The following ERBB4 variants were observed in gnomAD, a reference collection of about 807,000 sequenced individuals.
ERBB4 encodes receptor tyrosine-protein kinase erbB-4.
Under a neutral mutation model 158.0 loss-of-function variants are expected in ERBB4, and 42 were observed. The ratio of observed to expected loss-of-function variants is 0.27; its 90% confidence interval spans 0.21 to 0.34. The LOEUF (loss-of-function observed/expected upper bound fraction) is 0.34. Among genes scored for constraint, ERBB4 ranks in the 10% least tolerant of loss-of-function variants. The pLI, the probability that ERBB4 is intolerant of heterozygous loss-of-function variation, is 1.00. For synonymous variants in ERBB4, 583 were observed against 558.7 expected, an observed-to-expected ratio of 1.04 and a Z score of -0.61; for missense variants, 1,333 against 1,624.1, an observed-to-expected ratio of 0.82 and a Z score of 3.08.
chr2:212,432,671 T>C (rs2092054438), intron 1 of ERBB4, among the ~76,000 whole-genome samples: 1 of 152,154 alleles, frequency 6.6e-6, no homozygotes, highest in Admixed American at 6.6e-5. Context: ...TCAAATTAGA[T>C]TTTTAAATCA....
Position 212,124,753 on chromosome 2 carries a change from C to G in ERBB4, c.233G>C (p.Arg78Pro). 1 of 1,614,102 alleles carries G rather than the reference C, an allele frequency of 6.2e-7. No homozygotes were observed. The highest frequency in any genetic ancestry group is 8.5e-7 in the Non-Finnish European group (1 of 1,179,980). ...IEHNRDLSFL[R>P]SVREVTGYVL... The stretch of plus-strand genomic sequence containing the variant: ...AGAGAAAGAAAGCCACAGCTTTACC[C>G]GCAGGAAGGAGAGGTCCCGGTTGTG... Residue 78 changes from arginine (R) to proline (P), a missense_variant and splice_region_variant, in exon 2 of 28, where the codon CGG becomes CCG. Arg to Pro is a moderately radical substitution (Grantham distance 103). Around this residue, in one of 5 missense-constraint regions of ERBB4, gnomAD observed 438 missense variants for 586.9 expected, o/e 0.75. Transcript: ENST00000342788.
At chr2:212,442,044 C>T (rs1265918479) in intron 1 of ERBB4, among the ~76,000 whole-genome samples, 3 of 152,062 alleles carry the variant, frequency 2.0e-5, no homozygotes, top group Admixed American at 6.6e-5. Flanking sequence ...GAGATAATTG[C>T]ACTCAACCAT....
chr2:211,454,610 C>T (rs1249656336), intron 20 of ERBB4, among the ~76,000 whole-genome samples: 2 of 152,016 alleles, frequency 1.3e-5, no homozygotes. Context: ...TGAAGGAAAC[C>T]AGAATTTTAA....
intron 3 of ERBB4, among the ~76,000 whole-genome samples, chr2:211,877,481 T>G (rs149841615): frequency 1.0e-3 from 157 of 152,328 alleles, no homozygotes; most frequent in Non-Finnish European, 1.7e-3. Context: ...TATCAACTCT[T>G]TCTCACTATA....
In ERBB4 at chr2:211,379,579, A is replaced by T. The variant is rs2062540384; in HGVS notation, c.*4036T>A. ...TATATCCTGCATTTAACTTTGTTACATTATACTTGTGGTTAGTTTTCTAGT... is the reference window on the plus strand; with the variant it reads ...TATATCCTGCATTTAACTTTGTTACTTTATACTTGTGGTTAGTTTTCTAGT... On this transcript the variant is annotated 3_prime_UTR_variant, in exon 28 of 28. Coordinates refer to ENST00000342788, the MANE Select transcript of ERBB4 (RefSeq NM_005235.3). 2 of 231,114 alleles carry T rather than the reference A, an allele frequency of 8.7e-6. No individual in the cohort carries two copies. The highest frequency in any genetic ancestry group is 1.2e-4 in the East Asian group (2 of 16,258). The allele number at this position is 231,114 out of a possible 1,614,324, so 14.3% of individuals were successfully genotyped here. A position where few individuals can be genotyped will look rare whatever the true frequency, so the allele number is the denominator to read the frequency against.
rs889518176 is a variant in ERBB4, at chr2:211,534,037, G to C, written c.2487+27866C>G. ...CGTAACTAATTATATATCATTGCTA[G>C]AAATGCAGCTGTGGGATTATTTGGT... On this transcript the variant is annotated intron_variant, in intron 20 of 27. Coordinates refer to ENST00000342788, the MANE Select transcript of ERBB4 (RefSeq NM_005235.3). Among the ~76,000 whole-genome samples the C allele has an allele frequency of 2.0e-5, 3 of 152,060 alleles. No individual in the cohort carries two copies. In the East Asian group the frequency reaches 5.8e-4, roughly 29 times the overall value.
Position 211,455,725 on chromosome 2 carries a change from T to C in ERBB4, c.2488-24625A>G, listed in dbSNP as rs536763422. Among the ~76,000 whole-genome samples the C allele has an allele frequency of 1.3e-3, 200 of 152,340 alleles. 2 individuals carry two copies. The highest frequency in any genetic ancestry group is 4.6e-3 in the African/African-American group (190 of 41,594). On this transcript the variant is annotated intron_variant, in intron 20 of 27. Transcript: ENST00000342788. ...AGGAAAAAATTACAAACATAAAATATGTCCACAAGTGAAGTACTCTGCACT... is the reference window on the plus strand; with the variant it reads ...AGGAAAAAATTACAAACATAAAATACGTCCACAAGTGAAGTACTCTGCACT...
At chr2:211,881,991 G>C (rs1305770330) in intron 3 of ERBB4, among the ~76,000 whole-genome samples, 1 of 152,120 alleles carries the variant, frequency 6.6e-6, no homozygotes, top group Non-Finnish European at 1.5e-5. Flanking sequence ...CTATTAGAGT[G>C]TTTCTGAGAA....
chr2:211,532,140 G>C, intron 20 of ERBB4, among the ~76,000 whole-genome samples: 1 of 131,610 alleles, frequency 7.6e-6, no homozygotes, highest in East Asian at 3.2e-4. Context: ...ACCAGAGTCT[G>C]GGAAGGGTTG....
In ERBB4 at chr2:211,383,940, T is replaced by A. The variant is rs745554901; in HGVS notation, c.3602A>T (p.Glu1201Val). Residue 1201 changes from glutamate (E) to valine (V), a missense_variant, in exon 28 of 28, where the codon GAG (glutamate) becomes GTG (valine). By Grantham distance (121) the Glu-to-Val change is moderately radical (BLOSUM62 -2). Around this residue, in one of 5 missense-constraint regions of ERBB4, gnomAD observed 252 missense variants for 241.3 expected, o/e 1.04. Coordinates refer to ENST00000342788, the MANE Select transcript of ERBB4 (RefSeq NM_005235.3). ...GAGGTACAGTGGCTCATTCACATAC[T>A]CATCCTCGGCCTTGGGTGGACCATT... is the stretch of plus-strand genomic sequence containing the variant. ...ASNGPPKAED[E>V]YVNEPLYLNT... 1 of 1,614,134 alleles carries A rather than the reference T, an allele frequency of 6.2e-7. No homozygotes were observed. The highest frequency in any genetic ancestry group is 2.2e-5 in the East Asian group (1 of 44,870).
At chr2:212,404,732 G>T (rs2091298840) in intron 1 of ERBB4, among the ~76,000 whole-genome samples, 1 of 151,862 alleles carries the variant, frequency 6.6e-6, no homozygotes. Flanking sequence ...TTGCAGTACA[G>T]ATTATTTCAG....
intron 2 of ERBB4, among the ~76,000 whole-genome samples, chr2:212,001,186 C>G (rs553121904): frequency 2.0e-5 from 3 of 152,090 alleles, no homozygotes; most frequent in African/African-American, 7.2e-5. Flanking sequence ...AGCATGTTTC[C>G]TTCAGCAACA....
rs143515103 is a variant in ERBB4, at chr2:211,861,124, TTATATATA to T, written c.422-72973_422-72966del. Among the ~76,000 whole-genome samples the T allele has an allele frequency of 2.6e-3, 52 of 20,260 alleles. 4 individuals are homozygous for T. Among genetic ancestry groups the T allele is most frequent in the Admixed American group, 6.6e-3 (8 of 1,208 alleles). 13.3% of individuals were successfully genotyped at this position (20,260 alleles called of 152,430 possible). ...CATTATATATATTTATATATATATTTTATATATATATATATATATATATATATATATTA... is the reference window on the plus strand; with the variant it reads ...CATTATATATATTTATATATATATTTTATATATATATATATATATATATTA... On this transcript the variant is annotated intron_variant, in intron 3 of 27. Transcript: ENST00000342788.
chr2:211,736,301 C>T (rs2074599533), intron 5 of ERBB4, among the ~76,000 whole-genome samples: 1 of 152,114 alleles, frequency 6.6e-6, no homozygotes, highest in African/African-American at 2.4e-5. Flanking sequence ...GCTCAGTACA[C>T]ATATCCTTGA....
intron 1 of ERBB4, among the ~76,000 whole-genome samples, chr2:212,201,261 A>G: frequency 6.6e-6 from 1 of 152,180 alleles, no homozygotes; most frequent in East Asian, 1.9e-4. Flanking sequence ...ATTACCTTTA[A>G]AAACACATAA....
intron 3 of ERBB4, among the ~76,000 whole-genome samples, chr2:211,837,032 T>G (rs1246751215): frequency 6.6e-6 from 1 of 152,090 alleles, no homozygotes; most frequent in Non-Finnish European, 1.5e-5. Context: ...CTTTTAAAAC[T>G]TCTTTTATGG....
intron 1 of ERBB4, among the ~76,000 whole-genome samples, chr2:212,446,601 A>G (rs1424209390): frequency 9.2e-5 from 2 of 21,848 alleles, no homozygotes; most frequent in Non-Finnish European, 1.7e-4. Flanking sequence ...GTATATATAT[A>G]TATATATATA....
At chr2:212,309,565 C>G (rs2086945641) in intron 1 of ERBB4, among the ~76,000 whole-genome samples, 1 of 150,700 alleles carries the variant, frequency 6.6e-6, no homozygotes. Context: ...GGCACTCAAT[C>G]AGTATTTGTT....
chr2:211,743,323 T>C (rs973502791), intron 5 of ERBB4, among the ~76,000 whole-genome samples: 5 of 152,168 alleles, frequency 3.3e-5, no homozygotes, highest in African/African-American at 4.8e-5. Flanking sequence ...TGTTTGGATA[T>C]ATGCCTTTTT....
Sources: allele counts gnomAD v4.1 joint callset (sites outside exome capture counted in the v4.1 genomes callset), GRCh38; gene constraint gnomAD v4.1.1; regional missense constraint gnomAD v4.1.1; transcripts MANE v1.5; gene names NCBI Gene and HGNC (gene_info 2026-07-23, HGNC 2026-07-21).